RBFOX1: variants seen among roughly 807,000 people sequenced by gnomAD.
RBFOX1 encodes the protein RNA binding protein fox-1 homolog 1.
RBFOX1 carries 8 observed loss-of-function variants against 57.7 expected under a neutral mutation model. That is an observed-to-expected ratio of 0.14 (90% CI 0.08 to 0.25). The LOEUF (loss-of-function observed/expected upper bound fraction) is 0.25, where lower values mean the gene tolerates loss of function less well. Ranked by LOEUF, RBFOX1 falls within the 10% of genes least tolerant of loss-of-function variation. RBFOX1 has a pLI of 1.00. For missense variants in RBFOX1, 611 were observed against 548.5 expected (o/e 1.11, Z -1.14); for synonymous variants, 326 against 222.4 (o/e 1.47, Z -4.15).
At chr16:5,705,780 T>A (rs2051222692) in intron 3 of RBFOX1, among the ~76,000 whole-genome samples, 1 of 152,218 alleles carries the variant, frequency 6.6e-6, no homozygotes, top group South Asian at 2.1e-4. Context: ...TCTCCTGGGA[T>A]ACCGCATCTG....
intron 1 of RBFOX1, among the ~76,000 whole-genome samples, chr16:6,063,112 G>T (rs979743379): frequency 6.6e-6 from 1 of 152,092 alleles, no homozygotes; most frequent in African/African-American, 2.4e-5. Context: ...GAATGTTTGA[G>T]CAAACAACGG....
rs367638889 is a variant in RBFOX1 at position 7,567,298 on chromosome 16, TGG to T, written c.271-12478_271-12477del. Among the ~76,000 whole-genome samples, 34 of 47,126 alleles carry T rather than the reference TGG, an allele frequency of 7.2e-4. 5 individuals are homozygous for T. The highest frequency in any genetic ancestry group is 2.1e-3 in the African/African-American group (30 of 14,340). 30.9% of individuals were successfully genotyped at this position (47,126 alleles called of 152,430 possible). A position where few individuals can be genotyped will look rare whatever the true frequency, so the allele number is the denominator to read the frequency against. ...ATATATCCCTATATATCCTTATATA[TGG>T]CCCTATATATATATATATATATCTC... On this transcript the variant is annotated intron_variant, in intron 5 of 15. Transcript: ENST00000550418.
rs537156013 is a variant in RBFOX1 at position 5,557,422 on chromosome 16, A to G, written c.259-41480A>G. On this transcript the variant is annotated intron_variant, in intron 2 of 2. Transcript: ENST00000585867. ...CATTGGGTCCCCATATGAAGCTTAT[A>G]GAGAGATAATAAACAGGGTAACAAA... is the stretch of plus-strand genomic sequence containing the variant. Among the ~76,000 whole-genome samples the G allele has an allele frequency of 1.1e-4, 17 of 152,192 alleles. No individual in the cohort carries two copies. The East Asian group carries it at 3.1e-3, about 28-fold the overall frequency.
chr16:5,877,232 A>G (rs1189701570), intron 4 of RBFOX1, among the ~76,000 whole-genome samples: 4 of 152,276 alleles, frequency 2.6e-5, no homozygotes, highest in African/African-American at 9.6e-5. Context: ...TGGAGGGGTC[A>G]CGCATTTATT....
chr16:6,837,530 G>T (rs957921821), intron 3 of RBFOX1, among the ~76,000 whole-genome samples: 1 of 152,176 alleles, frequency 6.6e-6, no homozygotes, highest in Non-Finnish European at 1.5e-5. Flanking sequence ...TAATTGGGAA[G>T]ACTATAATAA....
intron 4 of RBFOX1, among the ~76,000 whole-genome samples, chr16:7,141,166 G>T (rs1433953282): frequency 2.0e-5 from 3 of 152,114 alleles, no homozygotes; most frequent in African/African-American, 7.2e-5. Context: ...GCAGTCAGCT[G>T]GGGAGCAAGT....
At chr16:6,576,562 T>C (rs1340883994) in intron 2 of RBFOX1, among the ~76,000 whole-genome samples, 1 of 152,166 alleles carries the variant, frequency 6.6e-6, no homozygotes, top group Non-Finnish European at 1.5e-5. Context: ...TTTTCTTTCT[T>C]AGGTATGTTT....
At chr16:5,630,207 A>G (rs956985901) in intron 3 of RBFOX1, among the ~76,000 whole-genome samples, 1 of 152,196 alleles carries the variant, frequency 6.6e-6, no homozygotes, top group African/African-American at 2.4e-5. Context: ...CTGTAATCCC[A>G]GGACTTTGGG....
At chr16:5,516,801 G>A (rs971263394) in intron 2 of RBFOX1, among the ~76,000 whole-genome samples, 1 of 152,034 alleles carries the variant, frequency 6.6e-6, no homozygotes, top group Non-Finnish European at 1.5e-5. Flanking sequence ...CCTTTTGCTC[G>A]GCACTCATTC....
chr16:6,549,885 C>T (rs986603853), intron 2 of RBFOX1, among the ~76,000 whole-genome samples: 3 of 152,064 alleles, frequency 2.0e-5, no homozygotes, highest in African/African-American at 7.2e-5. Context: ...TCTCATGGAC[C>T]CTTACGTACT....
chr16:7,311,356 AT>A (rs1179573924), intron 4 of RBFOX1, among the ~76,000 whole-genome samples: 6 of 150,900 alleles, frequency 4.0e-5, no homozygotes, highest in Admixed American at 1.3e-4. Flanking sequence ...TGCAATGACT[AT>A]TTTTTTTCTC....
chr16:5,266,862 A>G (rs1210902440), intron 1 of RBFOX1, among the ~76,000 whole-genome samples: 2 of 151,914 alleles, frequency 1.3e-5, no homozygotes, highest in Non-Finnish European at 2.9e-5. Flanking sequence ...CCTGGCCAGT[A>G]TGTTCAGTTT....
At chr16:5,330,981 TG>T (rs1461477871) in intron 1 of RBFOX1, among the ~76,000 whole-genome samples, 3 of 29,768 alleles carry the variant, frequency 1.0e-4, no homozygotes, top group South Asian at 0.042. Context: ...GGCTCTCTGG[TG>T]GTTTTTTTCC....
intron 3 of RBFOX1, among the ~76,000 whole-genome samples, chr16:5,697,854 T>G (rs548616392): frequency 1.3e-5 from 2 of 152,206 alleles, no homozygotes; most frequent in Non-Finnish European, 2.9e-5. Flanking sequence ...GTTTCAACTT[T>G]AAGCATGATC....
chr16:6,478,429 ATTTTTTTTTT>A lies in RBFOX1; in HGVS notation c.-64+161381_-64+161390del, dbSNP rs58352204. Among the ~76,000 whole-genome samples, 119 of 24,622 alleles carry A rather than the reference ATTTTTTTTTT, an allele frequency of 4.8e-3. 3 individuals carry two copies. Among genetic ancestry groups the A allele is most frequent in the African/African-American group, 0.015 (116 of 7,838 alleles). The allele number at this position is 24,622 out of a possible 152,430, so 16.2% of individuals were successfully genotyped here. A position where few individuals can be genotyped will look rare whatever the true frequency, so the allele number is the denominator to read the frequency against. On this transcript the variant is annotated intron_variant, in intron 2 of 15. Coordinates refer to ENST00000550418, the MANE Select transcript of RBFOX1 (RefSeq NM_018723.4). ...TATATATATATATATATATATATAT[ATTTTTTTTTT>A]TTTTTTTTGTATTTTTAGTAGAGAC...
chr16:5,722,482 C>T (rs1165371497), intron 3 of RBFOX1, among the ~76,000 whole-genome samples: 2 of 152,154 alleles, frequency 1.3e-5, no homozygotes, highest in Non-Finnish European at 2.9e-5. Flanking sequence ...AGACTCAGCG[C>T]GATCATCTAT....
intron 3 of RBFOX1, among the ~76,000 whole-genome samples, chr16:6,756,561 A>G (rs75397562): frequency 2.0e-5 from 3 of 152,338 alleles, no homozygotes; most frequent in South Asian, 2.1e-4. Flanking sequence ...TTTGCAAGCT[A>G]TTCAGTCAAC....
intron 4 of RBFOX1, among the ~76,000 whole-genome samples, chr16:7,186,843 C>G (rs1341627781): frequency 6.6e-6 from 1 of 150,986 alleles, no homozygotes; most frequent in African/African-American, 2.4e-5. Context: ...GAACAATATT[C>G]TTTATGACTT....
intron 14 of RBFOX1, among the ~76,000 whole-genome samples, chr16:7,684,123 CAGA>C (rs2075536330): frequency 6.6e-6 from 1 of 152,004 alleles, no homozygotes; most frequent in South Asian, 2.1e-4. Flanking sequence ...AATTCTTTTC[CAGA>C]AGAACTGATT....
Sources: gnomAD v4.1 joint callset for allele counts (sites outside exome capture counted in the v4.1 genomes callset) on GRCh38, gnomAD v4.1.1 for gene constraint, MANE v1.5 for transcripts, NCBI Gene and HGNC (gene_info 2026-07-23, HGNC 2026-07-21) for gene names.